The following CRLF1 variants were observed in gnomAD, a reference collection of about 807,000 sequenced individuals.
CRLF1 encodes cytokine receptor like factor 1.
CRLF1 carries 36 observed loss-of-function variants against 48.9 expected under a neutral mutation model. The observed-to-expected ratio is 0.74, with a 90% confidence interval of 0.56 to 0.97. The LOEUF is 0.97. Among genes scored for constraint, CRLF1 ranks in the 50% least tolerant of loss-of-function variants. The pLI, the probability that CRLF1 is intolerant of heterozygous loss-of-function variation, is 0.00. For synonymous variants in CRLF1, 256 were observed against 253.4 expected (o/e 1.01, Z -0.10); for missense variants, 534 against 575.1 (o/e 0.93, Z 0.73).
intron 8 of CRLF1, 33 bp downstream of exon 8, chr19:18,594,032 T>TTGCC: frequency 1.1e-5 from 8 of 695,784 alleles, no homozygotes; most frequent in Non-Finnish European, 1.8e-5. Context: ...CTCCCCTTGC[T>TTGCC]CCCTCCCGCC....
At chr19:18,594,988 G>A (rs958721824) in intron 6 of CRLF1, among the ~76,000 whole-genome samples, 1 of 152,102 alleles carries the variant, frequency 6.6e-6, no homozygotes, top group Non-Finnish European at 1.5e-5. Context: ...CAGATGAAGG[G>A]AGACCGAGTG....
At chr19:18,597,587 G>A (rs1600651924) in intron 4 of CRLF1, among the ~76,000 whole-genome samples, 2 of 151,786 alleles carry the variant, frequency 1.3e-5, no homozygotes, top group African/African-American at 4.8e-5. Context: ...CCGCCACTAC[G>A]CCCGGCTAAA....
At chr19:18,605,053 G>T (rs983768176) in intron 1 of CRLF1, among the ~76,000 whole-genome samples, 1 of 152,144 alleles carries the variant, frequency 6.6e-6, no homozygotes, top group African/African-American at 2.4e-5. Flanking sequence ...CAGGTGCTAA[G>T]ACACACCGTA....
At chr19:18,601,730 T>C (rs1363119164) in intron 1 of CRLF1, among the ~76,000 whole-genome samples, 1 of 152,092 alleles carries the variant, frequency 6.6e-6, no homozygotes, top group Admixed American at 6.6e-5. Flanking sequence ...TGAGCACTTG[T>C]TGTGTTCTGA....
rs1001570616 is a variant in CRLF1 at position 18,606,591 on chromosome 19, C to G, written c.66G>C (p.Leu22=). 2 of 1,012,580 alleles carry G rather than the reference C, an allele frequency of 2.0e-6. No individual in the cohort carries two copies. The highest frequency in any genetic ancestry group is 1.2e-6 in the Non-Finnish European group (1 of 825,986). 62.7% of individuals were successfully genotyped at this position (1,012,580 alleles called of 1,614,324 possible). The change falls in exon 1 of 9, where the codon CTG becomes CTC. Residue 22 remains leucine, a synonymous_variant. Transcript: ENST00000392386. This position sits in a 1 kb window ranked among gnomAD's most constrained non-coding sequence, Gnocchi z 4.8. ...CCCCGAGGACGCAGAGCAGCAGCAGCAGGGGCAGCAACGGCGGCGGCCGCC... is the reference window on the plus strand; with the variant it reads ...CCCCGAGGACGCAGAGCAGCAGCAGGAGGGGCAGCAACGGCGGCGGCCGCC... ...SARRPPPLLP[L]LLLLCVLGAP... is the part of the protein sequence containing the mutation.
intron 5 of CRLF1, 51 bp from the exon 6 acceptor site, chr19:18,596,841 G>A (rs548602967): frequency 1.9e-6 from 3 of 1,613,052 alleles, no homozygotes; most frequent in African/African-American, 1.3e-5. Context: ...AGCAGGAGCG[G>A]GGGCGGGGCC....
rs551665120 is a variant in CRLF1 at position 18,599,637 on chromosome 19, G to A, written c.325C>T (p.Arg109Trp). ...TGGCACACGAGGTTGTCCCCCGACCGCTGCCTGGACCCATTGAGGTTGGCC... is the reference window on the plus strand; with the variant it reads ...TGGCACACGAGGTTGTCCCCCGACCACTGCCTGGACCCATTGAGGTTGGCC... ...ALANLNGSRQ[R>W]SGDNLVCHAR... is the part of the protein sequence containing the mutation. Residue 109 changes from arginine (R) to tryptophan (W), a missense_variant, in exon 2 of 9, where the codon CGG (arginine) becomes TGG (tryptophan). Coordinates refer to ENST00000392386, the MANE Select transcript of CRLF1 (RefSeq NM_004750.5). The A allele has an allele frequency of 9.9e-6, 16 of 1,613,390 alleles. No individual in the cohort carries two copies. In the East Asian group the frequency reaches 1.6e-4, roughly 16 times the overall value.
chr19:18,599,875 C>T (rs1402202924), intron 1 of CRLF1, 29 bp from the exon 2 acceptor site: 2 of 1,495,460 alleles, frequency 1.3e-6, no homozygotes, highest in Non-Finnish European at 1.8e-6. Context: ...ACGTGTCAGG[C>T]CAGGGCGGGG....
rs763727380 is a variant in CRLF1, at chr19:18,598,569, T to C, written c.560A>G (p.Tyr187Cys). Residue 187 changes from tyrosine to cysteine, a missense_variant, in exon 4 of 9, where the codon TAC (tyrosine) becomes TGC (cysteine). By Grantham distance (194) the Tyr-to-Cys change is radical. Around this residue, in one of 2 missense-constraint regions of CRLF1, gnomAD observed 528 missense variants for 555.7 expected, o/e 0.95. Transcript: ENST00000392386. ...GCAGGAGTGGGGCCCCACTGTGTGG[T>C]ACTCCTCACATGTGTTGTCCTGGCC... ...WYGQDNTCEE[Y>C]HTVGPHSCHI... The C allele has an allele frequency of 1.2e-6, 2 of 1,613,988 alleles. No individual in the cohort carries two copies. The highest frequency in any genetic ancestry group is 1.7e-6 in the Non-Finnish European group (2 of 1,179,956).
intron 1 of CRLF1, among the ~76,000 whole-genome samples, chr19:18,600,319 C>G (rs929178287): frequency 1.1e-4 from 16 of 151,954 alleles, no homozygotes; most frequent in Non-Finnish European, 2.4e-4. Flanking sequence ...CTGCCTCAGC[C>G]TCCCGAGTAG....
At position 18,596,861 on chromosome 19, in the gene CRLF1, CAG is replaced by C. The variant is rs1424106321; in HGVS notation, c.855+29_855+30del. The C allele has an allele frequency of 1.9e-6, 3 of 1,613,502 alleles. No individual in the cohort carries two copies. The African/African-American group carries it at 4.0e-5, about 22-fold the overall frequency. Reference sequence around the variant, plus strand: ...GAGCGGGGGCGGGGCCTGGAAGGAACAGGGGCGGAGTCAGGGAAGGGGAGGGT... The same window carrying C: ...GAGCGGGGGCGGGGCCTGGAAGGAACGGGCGGAGTCAGGGAAGGGGAGGGT... On this transcript the variant is annotated intron_variant, in intron 5 of 8. Coordinates refer to ENST00000392386, the MANE Select transcript of CRLF1 (RefSeq NM_004750.5).
At chr19:18,602,346 T>C (rs1278235477) in intron 1 of CRLF1, among the ~76,000 whole-genome samples, 1 of 152,160 alleles carries the variant, frequency 6.6e-6, no homozygotes, top group Non-Finnish European at 1.5e-5. Flanking sequence ...CGGTGGCTCA[T>C]GCCTGTAATC....
At position 18,599,832 on chromosome 19, in the gene CRLF1, T is replaced by C. The variant is rs1216350671; in HGVS notation, c.130A>G (p.Ser44Gly). Residue 44 changes from serine to glycine, a missense_variant, in exon 2 of 9, where the codon AGT becomes GGT. By Grantham distance (56) the Ser-to-Gly change is moderately conservative. This residue lies in a region of CRLF1 where 528 missense variants were observed against 555.7 expected (regional missense o/e 0.95). Coordinates refer to ENST00000392386, the MANE Select transcript of CRLF1 (RefSeq NM_004750.5). ...ATGAGAAGCGTGGGATCCTGGGGACTGATCACAGCTGTGTCTGGGGTCAAA... is the reference window on the plus strand; with the variant it reads ...ATGAGAAGCGTGGGATCCTGGGGACCGATCACAGCTGTGTCTGGGGTCAAA... Reference protein sequence around the residue: ...AGSGAHTAVISPQDPTLLIGS... With the variant: ...AGSGAHTAVIGPQDPTLLIGS... 6.5e-7 allele frequency: 1 copy of C among 1,540,060 alleles called. No homozygotes were observed. Among genetic ancestry groups the C allele is most frequent in the South Asian group, 1.3e-5 (1 of 79,592 alleles).
intron 1 of CRLF1, among the ~76,000 whole-genome samples, chr19:18,602,136 G>A (rs987774443): frequency 3.3e-5 from 5 of 152,234 alleles, no homozygotes; most frequent in African/African-American, 9.6e-5. Flanking sequence ...GCCCATGGGT[G>A]GTTGATGCCT....
chr19:18,596,573 C>G, intron 6 of CRLF1, 49 bp downstream of exon 6: 4 of 1,596,726 alleles, frequency 2.5e-6, no homozygotes, highest in Non-Finnish European at 3.4e-6. Context: ...GAGGCTCTAG[C>G]TGGTTTCGGA....
At position 18,606,378 on chromosome 19, in the gene CRLF1, C is replaced by T. The variant is rs1435567260; in HGVS notation, c.115+164G>A. 6.6e-6 allele frequency among the ~76,000 whole-genome samples: 1 copy of T among 151,208 alleles called. No homozygotes were observed. Among genetic ancestry groups the T allele is most frequent in the Admixed American group, 6.6e-5 (1 of 15,230 alleles). The stretch of plus-strand genomic sequence containing the variant: ...CTCTCTGGACAGTGGACTGCGGCGC[C>T]GTGTGCCCCGCAGGTGAGGGCGCCC... On this transcript the variant is annotated intron_variant, in intron 1 of 8. Transcript: ENST00000392386. The surrounding 1 kb of genome is among the most constrained non-coding windows in gnomAD (Gnocchi z 4.8).
chr19:18,594,032 T>TGGGCCAC, intron 8 of CRLF1, 33 bp downstream of exon 8: 1 of 695,812 alleles, frequency 1.4e-6, no homozygotes, highest in Non-Finnish European at 2.2e-6. Context: ...CTCCCCTTGC[T>TGGGCCAC]CCCTCCCGCC....
chr19:18,593,802 G>C (rs1713132340), intron 8 of CRLF1: 1 of 985,488 alleles, frequency 1.0e-6, no homozygotes, highest in African/African-American at 1.7e-5. Context: ...GTGCTAACTA[G>C]GGTGAGTATG....
intron 1 of CRLF1, among the ~76,000 whole-genome samples, chr19:18,602,929 T>G (rs1290476790): frequency 6.6e-6 from 1 of 152,200 alleles, no homozygotes; most frequent in Non-Finnish European, 1.5e-5. Context: ...CAGGCTGGTC[T>G]CGAACTCTTG....
Sources: allele counts gnomAD v4.1 joint callset (sites outside exome capture counted in the v4.1 genomes callset), GRCh38; gene constraint gnomAD v4.1.1; regional missense constraint gnomAD v4.1.1; non-coding constraint Gnocchi (gnomAD v3.1); transcripts MANE v1.5; gene names NCBI Gene and HGNC (gene_info 2026-07-23, HGNC 2026-07-21).